Variants in ZNF138 observed in about 807,000 individuals in gnomAD.
ZNF138 encodes the protein zinc finger protein 138 (clone pHZ-32).
Under a neutral mutation model 33.0 loss-of-function variants are expected in ZNF138, and 33 were observed. The ratio of observed to expected loss-of-function variants is 1.00; its 90% CI spans 0.76 to 1.34. ZNF138 has a LOEUF of 1.34. ZNF138 is among the 40% of genes most tolerant of loss of function. The probability of loss-of-function intolerance (pLI) is 0.00; values close to 1 mark genes in which losing one functional copy is unlikely to be tolerated. For synonymous variants in ZNF138, 139 were observed against 120.4 expected (o/e 1.15, Z -1.01); for missense variants, 360 against 370.8 (o/e 0.97, Z 0.24).
chr7:64,797,863 G>A (rs1246193861), intron 1 of ZNF138, among the ~76,000 whole-genome samples: 1 of 152,168 alleles, frequency 6.6e-6, no homozygotes, highest in South Asian at 2.1e-4. Context: ...CTTTCTTAGG[G>A]AGGAGCAAAA....
Position 64,832,694 on chromosome 7 carries a change from T to A in ZNF138, c.*492T>A. On this transcript the variant is annotated 3_prime_UTR_variant, in exon 4 of 4. Coordinates refer to ENST00000307355, the MANE Select transcript of ZNF138 (RefSeq NM_001271639.2). ...AATGTGAACAGTGTGGCAAGGTCTT[T>A]AAGAAGTCCTCAACTCTTACTGCAC... is the stretch of plus-strand genomic sequence containing the variant. 1.4e-5 allele frequency: 6 copies of A among 431,102 alleles called. No individual in the cohort carries two copies. In the Admixed American group the frequency reaches 1.7e-4, roughly 12 times the overall value. The allele number at this position is 431,102 out of a possible 1,614,324, so 26.7% of individuals were successfully genotyped here.
At chr7:64,830,488 G>GTTTTGTT (rs1247746928) in intron 3 of ZNF138, among the ~76,000 whole-genome samples, 30 of 150,832 alleles carry the variant, frequency 2.0e-4, no homozygotes, top group African/African-American at 7.1e-4. Context: ...TTTTTGTTTT[G>GTTTTGTT]TTTTGTTTTT....
intron 3 of ZNF138, among the ~76,000 whole-genome samples, chr7:64,830,506 A>T (rs2129015638): frequency 6.6e-6 from 1 of 151,654 alleles, no homozygotes; most frequent in Non-Finnish European, 1.5e-5. Flanking sequence ...TTTGTTTTTG[A>T]GGCAGAATCT....
intron 1 of ZNF138, among the ~76,000 whole-genome samples, chr7:64,805,821 A>G (rs965803443): frequency 6.6e-6 from 1 of 152,216 alleles, no homozygotes; most frequent in African/African-American, 2.4e-5. Context: ...GAAGATGTGA[A>G]AAGTTTATTT....
intron 3 of ZNF138, among the ~76,000 whole-genome samples, chr7:64,829,083 T>C (rs1486638717): frequency 6.6e-6 from 1 of 152,174 alleles, no homozygotes; most frequent in African/African-American, 2.4e-5. Context: ...ACAAATTCAG[T>C]TGTAAAAAAT....
downstream of ZNF138, among the ~76,000 whole-genome samples, chr7:64,838,672 A>T (rs1447144681): frequency 6.6e-6 from 1 of 152,118 alleles, no homozygotes; most frequent in Non-Finnish European, 1.5e-5. Flanking sequence ...CTCATCCAGG[A>T]TTAGCGGATA....
intron 1 of ZNF138, among the ~76,000 whole-genome samples, chr7:64,800,617 A>G (rs1335589798): frequency 1.3e-5 from 2 of 152,180 alleles, no homozygotes; most frequent in African/African-American, 2.4e-5. Context: ...TTGCATATCA[A>G]TGGTCCTCAA....
Position 64,832,075 on chromosome 7 carries a change from C to G in ZNF138, c.833C>G (p.Pro278Arg). 1 of 1,613,816 alleles carries G rather than the reference C, an allele frequency of 6.2e-7. No individual in the cohort carries two copies. Among genetic ancestry groups the G allele is most frequent in the Non-Finnish European group, 8.5e-7 (1 of 1,179,906 alleles). Reference sequence around the variant, plus strand: ...AAGATAATTCATACTGAAGAGAAACCCTACAAATGTGAACAATGTGGCAAG... The same window carrying G: ...AAGATAATTCATACTGAAGAGAAACGCTACAAATGTGAACAATGTGGCAAG... Reference protein sequence around the residue: ...RHKIIHTEEKPYKCEQCGKVF... With the variant: ...RHKIIHTEEKRYKCEQCGKVF... Residue 278 changes from proline to arginine, a missense_variant, in exon 4 of 4, where the codon CCC becomes CGC. Coordinates refer to ENST00000307355, the MANE Select transcript of ZNF138 (RefSeq NM_001271639.2).
At chr7:64,852,411 G>C in the ZNF138 span, 1 of 1,551,024 alleles carries the variant, frequency 6.4e-7, no homozygotes, top group Non-Finnish European at 8.8e-7. Context: ...GTGGCCCCGG[G>C]TGTGGGATTC....
At chr7:64,805,343 G>C (rs1787492735) in intron 1 of ZNF138, among the ~76,000 whole-genome samples, 1 of 151,776 alleles carries the variant, frequency 6.6e-6, no homozygotes, top group African/African-American at 2.4e-5. Flanking sequence ...AGGTTGCAGT[G>C]AGCTGAGATT....
At chr7:64,842,417 CT>C in the ZNF138 span, among the ~76,000 whole-genome samples, 1 of 152,186 alleles carries the variant, frequency 6.6e-6, no homozygotes, top group African/African-American at 2.4e-5. Context: ...AAAATGACCT[CT>C]GTGGATTTGA....
At position 64,831,753 on chromosome 7, in the gene ZNF138, G is replaced by T. The variant is rs888461137; in HGVS notation, c.511G>T (p.Glu171Ter). The T allele has an allele frequency of 9.9e-6, 16 of 1,613,540 alleles. No individual in the cohort carries two copies. The highest frequency in any genetic ancestry group is 1.3e-5 in the African/African-American group (1 of 74,914). ...TGAAAATAAACATTTCAGATGTAAA[G>T]AATGTGACAAATCACTTTGCATGCT... Reference protein sequence around the residue: ...HTENKHFRCKECDKSLCMLSR... With the variant: ...HTENKHFRCK Residue 171 changes from glutamate (E) to a stop codon, truncating the protein, a stop_gained, in exon 4 of 4, where the codon GAA becomes TAA. Coordinates refer to ENST00000307355, the MANE Select transcript of ZNF138 (RefSeq NM_001271639.2). LOFTEE classifies it high-confidence loss of function.
intron 1 of ZNF138, among the ~76,000 whole-genome samples, chr7:64,810,982 C>T (rs891534823): frequency 7.2e-5 from 11 of 152,166 alleles, no homozygotes; most frequent in South Asian, 4.1e-4. Flanking sequence ...CATTTACCAA[C>T]CTGTTTTCTA....
At chr7:64,803,265 T>G (rs1229992965) in intron 1 of ZNF138, among the ~76,000 whole-genome samples, 1 of 151,386 alleles carries the variant, frequency 6.6e-6, no homozygotes, top group African/African-American at 2.4e-5. Context: ...AAGGTTTTTT[T>G]TTTTTTTTTT....
chr7:64,822,568 T>C (rs1756392955), intron 3 of ZNF138, among the ~76,000 whole-genome samples: 1 of 150,696 alleles, frequency 6.6e-6, no homozygotes, highest in Admixed American at 6.6e-5. Flanking sequence ...TGTGTGCTCA[T>C]GGCAACTTTG....
At chr7:64,805,422 ACTG>A (rs1562890944) in intron 1 of ZNF138, among the ~76,000 whole-genome samples, 1 of 151,460 alleles carries the variant, frequency 6.6e-6, no homozygotes, top group African/African-American at 2.4e-5. Context: ...AAAAAAAAAA[ACTG>A]AGGCTGAAAC....
intron 1 of ZNF138, among the ~76,000 whole-genome samples, chr7:64,805,683 C>T (rs765896829): frequency 1.2e-4 from 19 of 152,326 alleles, no homozygotes; most frequent in South Asian, 6.2e-4. Context: ...GCCCAGTGCT[C>T]AGGGCGTAGC....
chr7:64,817,883 C>T (rs1410549322), intron 3 of ZNF138, among the ~76,000 whole-genome samples: 1 of 151,794 alleles, frequency 6.6e-6, no homozygotes, highest in Non-Finnish European at 1.5e-5. Flanking sequence ...TCCATATTTA[C>T]TAAAATAGTT....
At chr7:64,852,462 G>A in the ZNF138 span, 1 of 1,583,258 alleles carries the variant, frequency 6.3e-7, no homozygotes, top group African/African-American at 1.4e-5. Flanking sequence ...TCGATGATCA[G>A]GGGTTTGTCT....
Sources: gnomAD v4.1 joint callset for allele counts (sites outside exome capture counted in the v4.1 genomes callset) on GRCh38, gnomAD v4.1.1 for gene constraint, MANE v1.5 for transcripts, NCBI Gene and HGNC (gene_info 2026-07-23, HGNC 2026-07-21) for gene names.